The following COX7B2 variants were observed in gnomAD, a reference collection of about 807,000 sequenced individuals.
COX7B2 encodes cytochrome c oxidase subunit 7B2.
For missense variants in COX7B2, 109 were observed against 95.9 expected (o/e 1.14, Z -0.57); for synonymous variants, 37 against 32.1 (o/e 1.15, Z -0.51).
chr4:46,903,895 A>T (rs907002926), intron 1 of COX7B2: 1 of 152,190 alleles, frequency 6.6e-6, no homozygotes, highest in Admixed American at 6.5e-5. Flanking sequence ...CATTTTTCAG[A>T]ACATATATCC....
chr4:46,763,056 G>A (rs1485140752), intron 2 of COX7B2, among the ~76,000 whole-genome samples: 20 of 120,848 alleles, frequency 1.7e-4, no homozygotes, highest in East Asian at 8.9e-4. Context: ...ATTATAATAT[G>A]TAATATATAT....
chr4:46,844,562 G>A (rs1032246820), intron 2 of COX7B2, among the ~76,000 whole-genome samples: 3 of 151,972 alleles, frequency 2.0e-5, no homozygotes, highest in African/African-American at 7.2e-5. Flanking sequence ...AAGACACGTG[G>A]TGGTCTCAGC....
intron 2 of COX7B2, among the ~76,000 whole-genome samples, chr4:46,833,827 T>C (rs899882071): frequency 3.3e-5 from 5 of 152,026 alleles, no homozygotes; most frequent in African/African-American, 1.2e-4. Context: ...GCAAAAAAAA[T>C]ATGGAATGAA....
chr4:46,860,512 C>T (rs1259156986), intron 1 of COX7B2, among the ~76,000 whole-genome samples: 1 of 152,100 alleles, frequency 6.6e-6, no homozygotes, highest in East Asian at 1.9e-4. Context: ...CAGTCAGCAT[C>T]ATTTTGGCTT....
At chr4:46,768,909 A>T (rs905479050) in intron 2 of COX7B2, among the ~76,000 whole-genome samples, 1 of 152,148 alleles carries the variant, frequency 6.6e-6, no homozygotes. Flanking sequence ...ACAAAGGATC[A>T]TAAGAGACAA....
chr4:46,839,889 A>G (rs1318413976), intron 2 of COX7B2, among the ~76,000 whole-genome samples: 1 of 152,040 alleles, frequency 6.6e-6, no homozygotes, highest in Non-Finnish European at 1.5e-5. Flanking sequence ...AATACAAAAT[A>G]TAGGTGGGGA....
Position 46,735,088 on chromosome 4 carries a change from A to G in COX7B2, c.105T>C (p.His35=). The G allele has an allele frequency of 1.9e-6, 3 of 1,614,030 alleles. No homozygotes were observed. Among genetic ancestry groups the G allele is most frequent in the Non-Finnish European group, 2.5e-6 (3 of 1,179,964 alleles). The stretch of plus-strand genomic sequence containing the variant: ...CTAGCACAGCATTACCATATTTATC[A>G]TGAAAATCTGGTGAGTGTTTTACAT... The part of the protein sequence containing the change: ...HSHVKHSPDF[H]DKYGNAVLAS... Residue 35 remains histidine, a synonymous_variant, in exon 3 of 3, where the codon CAT becomes CAC. Transcript: ENST00000355591.
intron 2 of COX7B2, among the ~76,000 whole-genome samples, chr4:46,762,754 G>A (rs909428369): frequency 2.7e-5 from 4 of 146,952 alleles, no homozygotes; most frequent in African/African-American, 1.0e-4. Context: ...TTTCTGTTTA[G>A]ACTACAATAG....
chr4:46,818,360 G>A (rs1275660080), intron 2 of COX7B2, among the ~76,000 whole-genome samples: 1 of 152,108 alleles, frequency 6.6e-6, no homozygotes, highest in Non-Finnish European at 1.5e-5. Flanking sequence ...GAAGCCGGGC[G>A]CCGTGGCTCA....
At chr4:46,850,667 G>A (rs1375502120) in intron 1 of COX7B2, among the ~76,000 whole-genome samples, 1 of 151,964 alleles carries the variant, frequency 6.6e-6, no homozygotes, top group Non-Finnish European at 1.5e-5. Context: ...TACTAACACT[G>A]TAAAGAAGTA....
At chr4:46,848,384 G>T (rs141997326) in intron 1 of COX7B2, among the ~76,000 whole-genome samples, 24 of 151,904 alleles carry the variant, frequency 1.6e-4, no homozygotes, top group Non-Finnish European at 4.4e-5. Flanking sequence ...TATGCGAAAG[G>T]CCCTGAATTA....
intron 1 of COX7B2, among the ~76,000 whole-genome samples, chr4:46,885,757 T>C (rs1224353283): frequency 6.6e-6 from 1 of 152,158 alleles, no homozygotes; most frequent in Non-Finnish European, 1.5e-5. Flanking sequence ...TATCTTAACA[T>C]ATAATTCTTC....
intron 2 of COX7B2, among the ~76,000 whole-genome samples, chr4:46,759,540 T>C (rs1282590736): frequency 6.6e-6 from 1 of 151,980 alleles, no homozygotes. Context: ...GCAAAGGATA[T>C]GAACAGACGC....
At chr4:46,822,999 A>G (rs1054356450) in intron 2 of COX7B2, among the ~76,000 whole-genome samples, 1 of 152,192 alleles carries the variant, frequency 6.6e-6, no homozygotes, top group Non-Finnish European at 1.5e-5. Flanking sequence ...AGATGCCTGC[A>G]TGGAGAAGCA....
At chr4:46,775,431 TAG>T (rs1024700472) in intron 2 of COX7B2, among the ~76,000 whole-genome samples, 12 of 152,172 alleles carry the variant, frequency 7.9e-5, no homozygotes, top group African/African-American at 2.4e-4. Context: ...GCTCAGTTTT[TAG>T]ACTTTTACAT....
intron 1 of COX7B2, among the ~76,000 whole-genome samples, chr4:46,866,151 A>G (rs2109812055): frequency 6.6e-6 from 1 of 152,358 alleles, no homozygotes; most frequent in African/African-American, 2.4e-5. Flanking sequence ...GAAGCCGTAC[A>G]TGATGCCATG....
At position 46,867,548 on chromosome 4, in the gene COX7B2, A is replaced by T. The variant is rs766346283; in HGVS notation, c.-104-22534T>A. On this transcript the variant is annotated intron_variant, in intron 1 of 2. Transcript: ENST00000355591. Reference sequence around the variant, plus strand: ...GATATTTCTGAATAGCCCAACCCTTAATTTGCGTGTAATTAATAGTGGATC... The same window carrying T: ...GATATTTCTGAATAGCCCAACCCTTTATTTGCGTGTAATTAATAGTGGATC... 9.5e-4 allele frequency among the ~76,000 whole-genome samples: 145 copies of T among 152,194 alleles called. 1 individual carries two copies. Among genetic ancestry groups the T allele is most frequent in the Middle Eastern group, 3.2e-3 (1 of 316 alleles).
At chr4:46,843,938 T>A (rs1716103377) in intron 2 of COX7B2, among the ~76,000 whole-genome samples, 1 of 151,966 alleles carries the variant, frequency 6.6e-6, no homozygotes, top group African/African-American at 2.4e-5. Context: ...TATTCCCTGG[T>A]GGCAGGTAAT....
At chr4:46,754,903 T>G (rs1307202043) in intron 2 of COX7B2, among the ~76,000 whole-genome samples, 2 of 151,168 alleles carry the variant, frequency 1.3e-5, no homozygotes, top group Admixed American at 6.6e-5. Context: ...AGCTATTTTT[T>G]TTAATTGTGC....
Sources: allele counts gnomAD v4.1 joint callset (sites outside exome capture counted in the v4.1 genomes callset), GRCh38; gene constraint gnomAD v4.1.1; transcripts MANE v1.5; gene names NCBI Gene and HGNC (gene_info 2026-07-23, HGNC 2026-07-21).